DIPK1A: variants seen among roughly 807,000 people sequenced by gnomAD.
DIPK1A encodes divergent protein kinase domain 1A, also known as family with sequence similarity 69 member A.
In DIPK1A, 27 loss-of-function variants were observed where a neutral mutation model predicts 40.8. The ratio of observed to expected loss-of-function variants is 0.66; its 90% CI spans 0.49 to 0.91. The LOEUF is 0.91. Among genes scored for constraint, DIPK1A ranks in the 40% least tolerant of loss-of-function variants. The pLI, the probability that DIPK1A is intolerant of heterozygous loss-of-function variation, is 0.00. For synonymous variants in DIPK1A, 166 were observed against 171.3 expected (o/e 0.97, Z 0.24); for missense variants, 412 against 505.7 (o/e 0.81, Z 1.78).
At chr1:92,920,587 G>A (rs891487658) in intron 1 of DIPK1A, among the ~76,000 whole-genome samples, 1 of 152,194 alleles carries the variant, frequency 6.6e-6, no homozygotes, top group Non-Finnish European at 1.5e-5. Context: ...TACAGGCAGA[G>A]GGAATTCTGA....
chr1:92,932,115 C>T (rs1650773042), intron 1 of DIPK1A: 2 of 299,498 alleles, frequency 6.7e-6, no homozygotes, highest in Admixed American at 7.5e-5. Context: ...GGTAAAGAAT[C>T]TACGAGCTCG....
chr1:92,890,747 G>C (rs1206481552), intron 1 of DIPK1A, among the ~76,000 whole-genome samples: 1 of 152,112 alleles, frequency 6.6e-6, no homozygotes, highest in African/African-American at 2.4e-5. Context: ...TTACATCTAT[G>C]TTCATCAGGT....
At chr1:92,903,404 T>C (rs1000708140) in intron 1 of DIPK1A, among the ~76,000 whole-genome samples, 9 of 152,210 alleles carry the variant, frequency 5.9e-5, no homozygotes, top group Non-Finnish European at 8.8e-5. Context: ...CATTTTACCT[T>C]CTCCAGCATC....
At chr1:92,873,085 G>C (rs77039154) in intron 2 of DIPK1A, among the ~76,000 whole-genome samples, 3,315 of 152,148 alleles carry the variant, frequency 0.022, 117 homozygotes, top group African/African-American at 0.075. Context: ...ATTCCCCCCA[G>C]GGTAAAAGAG....
At position 92,842,995 on chromosome 1, in the gene DIPK1A, A is replaced by C. The variant is rs1315284628; in HGVS notation, c.*388T>G. 1 of 994,500 alleles carries C rather than the reference A, an allele frequency of 1.0e-6. No homozygotes were observed. The highest frequency in any genetic ancestry group is 1.7e-5 in the African/African-American group (1 of 57,400). 61.6% of individuals were successfully genotyped at this position (994,500 alleles called of 1,614,324 possible). ...ATGCTAAGACATTAGTAAATTTATA[A>C]ATTTTCTTGTTGAACAGCAGCTTCA... On this transcript the variant is annotated 3_prime_UTR_variant, in exon 5 of 5. Coordinates refer to ENST00000370310, the MANE Select transcript of DIPK1A (RefSeq NM_001006605.5).
At chr1:92,926,457 T>A (rs1292016458) in intron 1 of DIPK1A, among the ~76,000 whole-genome samples, 2 of 152,232 alleles carry the variant, frequency 1.3e-5, no homozygotes, top group Admixed American at 6.5e-5. Flanking sequence ...AAAAGTTCCA[T>A]GGTACCTAAA....
intron 1 of DIPK1A, among the ~76,000 whole-genome samples, chr1:92,917,811 G>C (rs911198230): frequency 1.3e-5 from 2 of 152,212 alleles, no homozygotes; most frequent in African/African-American, 4.8e-5. Flanking sequence ...TAAGGAAAAA[G>C]GCAGAGGCTG....
chr1:92,897,853 C>G (rs1379471747), intron 1 of DIPK1A, among the ~76,000 whole-genome samples: 1 of 151,904 alleles, frequency 6.6e-6, no homozygotes, highest in African/African-American at 2.4e-5. Flanking sequence ...AAGGATTACA[C>G]TTTGGGATGC....
At chr1:92,943,374 A>G (rs1317565448) in intron 1 of DIPK1A, among the ~76,000 whole-genome samples, 1 of 152,150 alleles carries the variant, frequency 6.6e-6, no homozygotes, top group Non-Finnish European at 1.5e-5. Flanking sequence ...GAATCTAGAG[A>G]GCCAATCTGT....
chr1:92,928,403 T>C (rs1451632114), intron 1 of DIPK1A, among the ~76,000 whole-genome samples: 1 of 152,242 alleles, frequency 6.6e-6, no homozygotes, highest in Non-Finnish European at 1.5e-5. Context: ...ACCACTAATA[T>C]GTCTTTTGAA....
chr1:92,913,136 T>C (rs1157307163), intron 1 of DIPK1A, among the ~76,000 whole-genome samples: 5 of 152,178 alleles, frequency 3.3e-5, no homozygotes, highest in Non-Finnish European at 7.3e-5. Flanking sequence ...TATTTACAGC[T>C]ATCTTATTCA....
At chr1:92,884,289 A>G (rs899212381) in intron 1 of DIPK1A, among the ~76,000 whole-genome samples, 1 of 152,114 alleles carries the variant, frequency 6.6e-6, no homozygotes, top group African/African-American at 2.4e-5. Flanking sequence ...TCTACAAAAA[A>G]TAAAAAATAA....
intron 1 of DIPK1A, chr1:92,933,355 G>A (rs567991317): frequency 6.6e-6 from 1 of 152,262 alleles, no homozygotes; most frequent in Non-Finnish European, 1.5e-5. Flanking sequence ...GTATCAGGGA[G>A]GCAGGCATGG....
chr1:92,850,681 TTAAAA>T (rs1217408357), intron 3 of DIPK1A, among the ~76,000 whole-genome samples, 162 bp downstream of exon 3: 3 of 152,188 alleles, frequency 2.0e-5, no homozygotes, highest in Non-Finnish European at 2.9e-5. Flanking sequence ...TCTCAAAAAA[TTAAAA>T]TAAAATAAAT....
At chr1:92,954,248 G>C (rs1282655635) in intron 1 of DIPK1A, among the ~76,000 whole-genome samples, 1 of 150,258 alleles carries the variant, frequency 6.7e-6, no homozygotes, top group East Asian at 1.9e-4. Flanking sequence ...AGGTGCACTT[G>C]AACCCAGGAG....
At chr1:92,922,600 G>A (rs577804616) in intron 1 of DIPK1A, among the ~76,000 whole-genome samples, 2 of 152,226 alleles carry the variant, frequency 1.3e-5, no homozygotes, top group South Asian at 4.1e-4. Flanking sequence ...ACTCGGGAGG[G>A]CCCTATACTT....
intron 1 of DIPK1A, among the ~76,000 whole-genome samples, chr1:92,947,090 T>C (rs1162406018): frequency 6.6e-6 from 1 of 152,134 alleles, no homozygotes; most frequent in African/African-American, 2.4e-5. Context: ...TTCTATTCTA[T>C]GTAAAACTAC....
At chr1:92,909,954 C>T (rs1420901379) in intron 1 of DIPK1A, among the ~76,000 whole-genome samples, 1 of 152,148 alleles carries the variant, frequency 6.6e-6, no homozygotes, top group East Asian at 1.9e-4. Flanking sequence ...TTTGTACAGT[C>T]TAAAGCAGGA....
At chr1:92,845,292 GTTTTTTTTTT>G (rs71094207) in intron 4 of DIPK1A, among the ~76,000 whole-genome samples, 1 of 97,420 alleles carries the variant, frequency 1.0e-5, no homozygotes, top group African/African-American at 3.9e-5. Flanking sequence ...GCAGAGTACC[GTTTTTTTTTT>G]TTTTTTTTTT....
Sources: allele counts gnomAD v4.1 joint callset (sites outside exome capture counted in the v4.1 genomes callset), GRCh38; gene constraint gnomAD v4.1.1; transcripts MANE v1.5; gene names NCBI Gene and HGNC (gene_info 2026-07-23, HGNC 2026-07-21).